The following MCPH1 variants were observed in gnomAD, a reference collection of about 807,000 sequenced individuals.
MCPH1 encodes microcephalin.
A neutral mutation model predicts 84.5 loss-of-function variants in MCPH1; 104 were observed. That is an observed-to-expected ratio of 1.23 (90% confidence interval 1.05 to 1.45). MCPH1 has a LOEUF of 1.45. Among genes scored for constraint, MCPH1 ranks in the 40% most tolerant of loss-of-function variants. MCPH1 has a pLI of 0.00. For missense variants in MCPH1, 1,498 were observed against 1,005.7 expected, an observed-to-expected ratio of 1.49 and a Z score of -6.62; for synonymous variants, 514 against 366.8, an observed-to-expected ratio of 1.40 and a Z score of -4.58.
intron 12 of MCPH1, among the ~76,000 whole-genome samples, chr8:6,505,247 T>TA (rs398006995): frequency 3.6e-5 from 3 of 83,512 alleles, no homozygotes; most frequent in South Asian, 3.3e-4. Flanking sequence ...AGAATATATA[T>TA]TCTTTATATA....
rs117647029 is a variant in MCPH1, at chr8:6,416,975, C to T, written c.233+2092C>T. Among the ~76,000 whole-genome samples, 2,184 of 150,184 alleles carry T rather than the reference C, an allele frequency of 0.015. 118 individuals are homozygous for T. The East Asian group carries it at 0.18, about 13-fold the overall frequency. ...CGCCATTGCACTTTAGCCTGGGCGACAAGAGCGGGGAAAAAAAAAAAAGAG... is the reference window on the plus strand; with the variant it reads ...CGCCATTGCACTTTAGCCTGGGCGATAAGAGCGGGGAAAAAAAAAAAAGAG... On this transcript the variant is annotated intron_variant, in intron 3 of 13. Coordinates refer to ENST00000344683, the MANE Select transcript of MCPH1 (RefSeq NM_024596.5).
intron 12 of MCPH1, among the ~76,000 whole-genome samples, chr8:6,520,585 A>G (rs1817131003): frequency 6.6e-6 from 1 of 152,128 alleles, no homozygotes; most frequent in South Asian, 2.1e-4. Flanking sequence ...TAGTAGAGAC[A>G]GGATTTCACC....
rs926699267 is a variant in MCPH1 at position 6,604,047 on chromosome 8, C to T, written c.2215-17407C>T. Among the ~76,000 whole-genome samples the T allele has an allele frequency of 4.0e-5, 6 of 151,084 alleles. No homozygotes were observed. The South Asian group carries it at 8.4e-4, about 21-fold the overall frequency. On this transcript the variant is annotated intron_variant, in intron 12 of 13. Coordinates refer to ENST00000344683, the MANE Select transcript of MCPH1 (RefSeq NM_024596.5). ...TCTGTGACATATGTCTCCTTTGATC[C>T]GCACACACACCCTGGCCAGTAGGAA...
At chr8:6,616,900 A>T (rs1487367927) in intron 12 of MCPH1, 3 of 152,138 alleles carry the variant, frequency 2.0e-5, no homozygotes, top group Non-Finnish European at 4.4e-5. Flanking sequence ...CTGTAGGGGA[A>T]CATTTGTGCT....
intron 9 of MCPH1, among the ~76,000 whole-genome samples, chr8:6,458,427 G>C (rs570105130): frequency 6.7e-6 from 1 of 149,292 alleles, no homozygotes; most frequent in African/African-American, 2.5e-5. Context: ...AGCTGAGATC[G>C]TGCCACTGCA....
At chr8:6,609,281 GA>G (rs1254727081) in intron 12 of MCPH1, among the ~76,000 whole-genome samples, 2 of 152,204 alleles carry the variant, frequency 1.3e-5, no homozygotes, top group Non-Finnish European at 2.9e-5. Context: ...GCATGGACGG[GA>G]CCCAGAGCAT....
At chr8:6,428,364 A>T (rs1381307621) in intron 3 of MCPH1, among the ~76,000 whole-genome samples, 2 of 152,128 alleles carry the variant, frequency 1.3e-5, no homozygotes, top group African/African-American at 4.8e-5. Flanking sequence ...CTCCATTATA[A>T]TCTTATGTGA....
chr8:6,632,734 G>A lies in MCPH1; in HGVS notation c.2453-10260G>A, dbSNP rs574095367. ...TGAGGCAGGAGAATCACTTAAACCT[G>A]GGAGAAAGAGGTTGCAGTGAGCCAA... On this transcript the variant is annotated intron_variant, in intron 13 of 13. Coordinates refer to ENST00000344683, the MANE Select transcript of MCPH1 (RefSeq NM_024596.5). Among the ~76,000 whole-genome samples the A allele has an allele frequency of 2.6e-5, 4 of 152,182 alleles. No individual in the cohort carries two copies. The East Asian group carries it at 5.8e-4, about 22-fold the overall frequency.
chr8:6,461,501 A>T (rs1240948475), intron 9 of MCPH1, among the ~76,000 whole-genome samples: 35 of 136,370 alleles, frequency 2.6e-4, no homozygotes, highest in African/African-American at 4.5e-4. Flanking sequence ...TAATTTTTCT[A>T]TTTTTTTTTT....
At chr8:6,537,373 A>T (rs1475143201) in intron 12 of MCPH1, among the ~76,000 whole-genome samples, 2 of 151,596 alleles carry the variant, frequency 1.3e-5, no homozygotes, top group Admixed American at 1.3e-4. Context: ...CTTTCTCAGA[A>T]CTCAAGTGAG....
At chr8:6,547,567 G>A (rs558450366) in intron 12 of MCPH1, among the ~76,000 whole-genome samples, 3 of 152,310 alleles carry the variant, frequency 2.0e-5, no homozygotes, top group African/African-American at 7.2e-5. Flanking sequence ...CAGAGTCACA[G>A]TAGCACTTTG....
chr8:6,568,975 G>T (rs1385657638), intron 12 of MCPH1, among the ~76,000 whole-genome samples: 2 of 152,194 alleles, frequency 1.3e-5, no homozygotes, highest in Admixed American at 1.3e-4. Flanking sequence ...TGAGCCATTT[G>T]CAGACAGAGG....
chr8:6,505,627 A>G (rs11786210), intron 12 of MCPH1, among the ~76,000 whole-genome samples: 22,136 of 111,818 alleles, frequency 0.2, 4,273 homozygotes, highest in Middle Eastern at 0.38. Context: ...ATATTTATAT[A>G]TGAATGTATA....
At chr8:6,518,905 G>A (rs974084300) in intron 12 of MCPH1, among the ~76,000 whole-genome samples, 7 of 152,020 alleles carry the variant, frequency 4.6e-5, no homozygotes, top group African/African-American at 1.2e-4. Flanking sequence ...AATATTCTCC[G>A]GAAGGGTTTT....
chr8:6,474,588 A>C (rs1268803933), intron 9 of MCPH1, among the ~76,000 whole-genome samples: 1 of 152,254 alleles, frequency 6.6e-6, no homozygotes, highest in Non-Finnish European at 1.5e-5. Context: ...TTAATGATTC[A>C]ATTTGATTAA....
In MCPH1 at chr8:6,646,550, AG is replaced by A. The variant is rs1410611122; in HGVS notation, c.*3502del. On this transcript the variant is annotated 3_prime_UTR_variant, in exon 14 of 14. Coordinates refer to ENST00000344683, the MANE Select transcript of MCPH1 (RefSeq NM_024596.5). ...AATGGTGCTGGCAGAAGAAAAAAAA[AG>A]TACTTGGATCCTTACCTCACACCAT... 6.6e-6 allele frequency: 1 copy of A among 152,224 alleles called. No homozygotes were observed. Among genetic ancestry groups the A allele is most frequent in the Non-Finnish European group, 1.5e-5 (1 of 68,042 alleles). The allele number at this position is 152,224 out of a possible 1,614,324, so 9.4% of individuals were successfully genotyped here.
intron 2 of MCPH1, among the ~76,000 whole-genome samples, chr8:6,413,181 C>G (rs1037663499): frequency 2.0e-5 from 3 of 152,128 alleles, no homozygotes; most frequent in Admixed American, 6.5e-5. Context: ...GTGTAAAATG[C>G]TAGCACAAAT....
chr8:6,478,139 T>G (rs1055766126), intron 10 of MCPH1, among the ~76,000 whole-genome samples: 1 of 152,322 alleles, frequency 6.6e-6, no homozygotes, highest in Non-Finnish European at 1.5e-5. Context: ...AATTCCTGTT[T>G]AAAGGGGAAA....
chr8:6,409,460 C>T (rs1798232345), intron 2 of MCPH1, 90 bp downstream of exon 2: 4 of 1,108,402 alleles, frequency 3.6e-6, no homozygotes, highest in East Asian at 2.4e-5. Context: ...GGAGTTTTTA[C>T]TTAGAATCTG....
Sources: allele counts gnomAD v4.1 joint callset (sites outside exome capture counted in the v4.1 genomes callset), GRCh38; gene constraint gnomAD v4.1.1; transcripts MANE v1.5; gene names NCBI Gene and HGNC (gene_info 2026-07-23, HGNC 2026-07-21).